RC3H1: variants seen among roughly 807,000 people sequenced by gnomAD.
The protein encoded by RC3H1 is ring finger and CCCH-type domains 1, also known as roquin-1.
Under a neutral mutation model 138.2 loss-of-function variants are expected in RC3H1, and 50 were observed. That is an observed-to-expected ratio of 0.36 (90% CI 0.29 to 0.46). The LOEUF (loss-of-function observed/expected upper bound fraction) is 0.46. RC3H1 is among the 20% of genes least tolerant of loss of function. RC3H1 has a pLI of 1.00. For synonymous variants in RC3H1, 462 were observed against 489.1 expected (o/e 0.94, Z 0.73); for missense variants, 1,031 against 1,388.1 (o/e 0.74, Z 4.09).
At chr1:173,983,345 T>C (rs1660897471) in intron 4 of RC3H1, 73 bp downstream of exon 4, 2 of 1,540,044 alleles carry the variant, frequency 1.3e-6, no homozygotes, top group African/African-American at 1.4e-5. Flanking sequence ...CTAGGCTTTG[T>C]ACATCACTTA....
chr1:173,965,233 A>G lies in RC3H1; in HGVS notation c.1335-113T>C. ...TATTCTCTCTTGAAACATTAACTCT[A>G]TCAGTGTGTATATTTTGCATAAAAT... On this transcript the variant is annotated intron_variant, in intron 9 of 19. Coordinates refer to ENST00000367696, the MANE Select transcript of RC3H1 (RefSeq NM_172071.4). 8.5e-6 allele frequency: 8 copies of G among 941,752 alleles called. No homozygotes were observed. The East Asian group carries it at 1.8e-4, about 22-fold the overall frequency. The allele number at this position is 941,752 out of a possible 1,614,324, so 58.3% of individuals were successfully genotyped here. A position where few individuals can be genotyped will look rare whatever the true frequency, so the allele number is the denominator to read the frequency against.
intron 1 of RC3H1, among the ~76,000 whole-genome samples, chr1:174,007,592 G>A (rs1307509422): frequency 6.6e-6 from 1 of 151,830 alleles, no homozygotes; most frequent in Non-Finnish European, 1.5e-5. Flanking sequence ...GCCTCCTGAG[G>A]AGCTGGGACT....
chr1:173,940,342 A>C (rs1658793838), intron 19 of RC3H1, among the ~76,000 whole-genome samples: 1 of 152,030 alleles, frequency 6.6e-6, no homozygotes, highest in Non-Finnish European at 1.5e-5. Context: ...ATGGTGGTGC[A>C]TGCCTATAAT....
In RC3H1 at chr1:173,961,956, T is replaced by C; in HGVS notation, c.1971A>G (p.Thr657=). The change falls in exon 12 of 20, where the codon ACA becomes ACG. Residue 657 remains threonine (T), a synonymous_variant. Transcript: ENST00000367696. ...ATATAGGTGGGTACTGCTGTGGCTG[T>C]GTGCCATACTGAGAGTTTACAACAC... ...QERVVNSQYG[T]QPQQYPPIYP... is the part of the protein sequence containing the mutation. 6.2e-7 allele frequency: 1 copy of C among 1,614,190 alleles called. No individual in the cohort carries two copies.
rs150191502 is a variant in RC3H1 at position 173,984,563 on chromosome 1, A to G, written c.288T>C (p.Tyr96=). The G allele has an allele frequency of 6.2e-7, 1 of 1,613,956 alleles. No homozygotes were observed. Among genetic ancestry groups the G allele is most frequent in the Non-Finnish European group, 8.5e-7 (1 of 1,179,964 alleles). Residue 96 remains tyrosine (Y), a synonymous_variant, in exon 3 of 20, where the codon TAT becomes TAC. Transcript: ENST00000367696. ...CTTCTACACATTTCTTGGCTTCCTC[A>G]TAATGCTTTGTGTCTTCAACCCCAC... The part of the protein sequence containing the change: ...LCSGVEDTKH[Y]EEAKKCVEEL...
At chr1:173,990,978 C>T (rs1472749701) in intron 2 of RC3H1, among the ~76,000 whole-genome samples, 5 of 152,118 alleles carry the variant, frequency 3.3e-5, no homozygotes, top group African/African-American at 1.2e-4. Context: ...GCCTGTATTC[C>T]CAGTACTCTG....
chr1:173,944,787 A>T (rs909837632), intron 17 of RC3H1, among the ~76,000 whole-genome samples: 34 of 152,236 alleles, frequency 2.2e-4, no homozygotes, highest in Non-Finnish European at 3.8e-4. Flanking sequence ...ATAGATTTTT[A>T]AAATTCCTAA....
At chr1:173,994,519 CTGGG>C (rs1289604576) in intron 1 of RC3H1, among the ~76,000 whole-genome samples, 1 of 152,112 alleles carries the variant, frequency 6.6e-6, no homozygotes, top group Admixed American at 6.6e-5. Flanking sequence ...ATTTTTCAGG[CTGGG>C]TGTGATGGCT....
intron 1 of RC3H1, among the ~76,000 whole-genome samples, chr1:174,021,426 C>A (rs1467607119): frequency 6.6e-6 from 1 of 151,904 alleles, no homozygotes; most frequent in African/African-American, 2.4e-5. Flanking sequence ...GAGGCGCATC[C>A]CTTACCACTC....
intron 1 of RC3H1, among the ~76,000 whole-genome samples, chr1:174,001,293 G>A (rs1307360880): frequency 1.3e-5 from 2 of 152,164 alleles, no homozygotes; most frequent in Non-Finnish European, 2.9e-5. Flanking sequence ...GCCTGAGAAA[G>A]TAAGACAGTC....
rs1209962581 is a variant in RC3H1, at chr1:173,952,004, T to C, written c.2505A>G (p.Ala835=). ...CACATACCATCATTTCCACACTCCC[T>C]GCTGCCACAACATCTTTGGGTTTTG... ...KDAKPKDVVA[A]GSVEMMNVES... is the part of the protein sequence containing the mutation. The change falls in exon 14 of 20, where the codon GCA becomes GCG. Residue 835 remains alanine (A), a synonymous_variant. Transcript: ENST00000367696. The C allele has an allele frequency of 6.2e-7, 1 of 1,609,258 alleles. No individual in the cohort carries two copies. The highest frequency in any genetic ancestry group is 8.5e-7 in the Non-Finnish European group (1 of 1,177,914).
At chr1:174,004,592 G>T (rs1187625214) in intron 1 of RC3H1, among the ~76,000 whole-genome samples, 3 of 151,704 alleles carry the variant, frequency 2.0e-5, no homozygotes, top group Non-Finnish European at 2.9e-5. Flanking sequence ...GATCACCTGA[G>T]GTCAGGGGTT....
intron 1 of RC3H1, among the ~76,000 whole-genome samples, chr1:174,006,164 G>A (rs888987956): frequency 3.9e-5 from 6 of 152,078 alleles, no homozygotes; most frequent in East Asian, 1.9e-4. Flanking sequence ...CTTAGATCAC[G>A]CCACTGCACT....
rs1660896706 is a variant in RC3H1 at position 173,983,335 on chromosome 1, C to T, written c.592+83G>A. 9 of 1,502,248 alleles carry T rather than the reference C, an allele frequency of 6.0e-6. No homozygotes were observed. In the Admixed American group the frequency reaches 1.1e-4, roughly 18 times the overall value. The allele number at this position is 1,502,248 out of a possible 1,614,324, so 93.1% of individuals were successfully genotyped here. A position where few individuals can be genotyped will look rare whatever the true frequency, so the allele number is the denominator to read the frequency against. Reference sequence around the variant, plus strand: ...GGTAACAATAAAATACTGCAAAGAACTAGGCTTTGTACATCACTTATAATT... The same window carrying T: ...GGTAACAATAAAATACTGCAAAGAATTAGGCTTTGTACATCACTTATAATT... On this transcript the variant is annotated intron_variant, in intron 4 of 19. Transcript: ENST00000367696.
rs1658482971 is a variant in RC3H1, at chr1:173,933,974, C to T, written c.*4747G>A. On this transcript the variant is annotated 3_prime_UTR_variant, in exon 20 of 20. Transcript: ENST00000367696. ...GGGGAAAAAATCTAAGTAAACACTG[C>T]AGTTAATTTCCAGGTAGGTTATTAA... The T allele has an allele frequency of 6.6e-6, 1 of 152,148 alleles. No homozygotes were observed. Among genetic ancestry groups the T allele is most frequent in the South Asian group, 2.1e-4 (1 of 4,826 alleles). 9.4% of individuals were successfully genotyped at this position (152,148 alleles called of 1,614,324 possible).
intron 13 of RC3H1, among the ~76,000 whole-genome samples, chr1:173,957,465 A>T (rs569977856): frequency 6.6e-6 from 1 of 152,324 alleles, no homozygotes; most frequent in African/African-American, 2.4e-5. Context: ...ATTGTTTTCC[A>T]TATTTCTTAT....
intron 9 of RC3H1, among the ~76,000 whole-genome samples, chr1:173,966,683 C>G (rs928347052): frequency 6.6e-6 from 1 of 151,662 alleles, no homozygotes; most frequent in African/African-American, 2.4e-5. Context: ...CCACTGCACT[C>G]CAGCCTGGGC....
At chr1:173,943,362 TTCTGTGCC>T in intron 18 of RC3H1, 72 bp downstream of exon 18, 1 of 1,424,314 alleles carries the variant, frequency 7.0e-7, no homozygotes, top group Non-Finnish European at 9.6e-7. Flanking sequence ...GAAGTGATGA[TTCTGTGCC>T]TCTAGATAAT....
Position 173,936,537 on chromosome 1 carries a change from A to AAAG in RC3H1, c.*2181_*2183dup. 6.7e-6 allele frequency: 1 copy of AAAG among 148,316 alleles called. No homozygotes were observed. The highest frequency in any genetic ancestry group is 1.5e-5 in the Non-Finnish European group (1 of 67,190). The allele number at this position is 148,316 out of a possible 1,614,324, so 9.2% of individuals were successfully genotyped here. The stretch of plus-strand genomic sequence containing the variant: ...TCCAAAAAAAAAAAAAAAAAAAAAA[A>AAAG]AAGAAGGTTGGAGGCCAATAATGTT... On this transcript the variant is annotated 3_prime_UTR_variant, in exon 20 of 20. Coordinates refer to ENST00000367696, the MANE Select transcript of RC3H1 (RefSeq NM_172071.4).
Sources: allele counts gnomAD v4.1 joint callset (sites outside exome capture counted in the v4.1 genomes callset), GRCh38; gene constraint gnomAD v4.1.1; transcripts MANE v1.5; gene names NCBI Gene and HGNC (gene_info 2026-07-23, HGNC 2026-07-21).